ZNF330: variants seen among roughly 807,000 people sequenced by gnomAD.
The protein encoded by ZNF330 is nucleolar atypical zinc finger, also known as zinc finger protein 330.
In ZNF330, 31 loss-of-function variants were observed where a neutral mutation model predicts 45.5. The observed-to-expected ratio is 0.68, with a 90% CI of 0.51 to 0.92. The LOEUF is 0.92. Ranked by LOEUF, ZNF330 falls within the 40% of genes least tolerant of loss-of-function variation. The probability of loss-of-function intolerance (pLI) is 0.00; values close to 1 mark genes in which losing one functional copy is unlikely to be tolerated. For missense variants in ZNF330, 356 were observed against 387.4 expected (o/e 0.92, Z 0.68); for synonymous variants, 138 against 123.2 (o/e 1.12, Z -0.79).
chr4:141,223,751 G>A (rs767705207), intron 2 of ZNF330: 2 of 456,164 alleles, frequency 4.4e-6, no homozygotes, highest in Non-Finnish European at 8.8e-6. Context: ...TTCAATAAAG[G>A]TACAATGTAT....
In ZNF330 at chr4:141,228,127, A is replaced by G. The variant is rs1728855075; in HGVS notation, c.291+1281A>G. ...GAGGGAGACCTATGATATATTTCAT[A>G]TGTGCATATATTATAGAAGCAAGGA... On this transcript the variant is annotated intron_variant, in intron 5 of 9. Coordinates refer to ENST00000262990, the MANE Select transcript of ZNF330 (RefSeq NM_014487.6). Among the ~76,000 whole-genome samples the G allele has an allele frequency of 2.0e-5, 3 of 152,116 alleles. No homozygotes were observed. In the South Asian group the frequency reaches 6.2e-4, roughly 31 times the overall value.
At chr4:141,231,004 T>G (rs1480138044) in intron 7 of ZNF330, among the ~76,000 whole-genome samples, 1 of 152,074 alleles carries the variant, frequency 6.6e-6, no homozygotes, top group Non-Finnish European at 1.5e-5. Flanking sequence ...TCCCCAGGTA[T>G]TCTCTTCCTT....
intron 5 of ZNF330, among the ~76,000 whole-genome samples, chr4:141,228,373 C>A (rs1031180906): frequency 6.6e-6 from 1 of 152,016 alleles, no homozygotes; most frequent in Non-Finnish European, 1.5e-5. Flanking sequence ...AAGTGATTTT[C>A]TGGATATCTT....
chr4:141,233,755 G>A lies in ZNF330; in HGVS notation c.729G>A (p.Glu243=). 1.2e-6 allele frequency: 2 copies of A among 1,613,518 alleles called. No homozygotes were observed. The highest frequency in any genetic ancestry group is 1.7e-6 in the Non-Finnish European group (2 of 1,179,686). The change falls in exon 10 of 10, where the codon GAG becomes GAA. Residue 243 remains glutamate, a synonymous_variant. Transcript: ENST00000262990. The part of the protein sequence containing the change: ...LKFGRQTGGE[E]GDGASGYDAY... ...TTGGCAGGCAGACTGGAGGTGAAGAGGGAGATGGAGCTTCTGGGTATGATG... is the reference window on the plus strand; with the variant it reads ...TTGGCAGGCAGACTGGAGGTGAAGAAGGAGATGGAGCTTCTGGGTATGATG...
intron 8 of ZNF330, among the ~76,000 whole-genome samples, chr4:141,231,826 A>G (rs916096743): frequency 1.6e-4 from 25 of 152,192 alleles, no homozygotes; most frequent in African/African-American, 5.8e-4. Context: ...AAGATTTCCA[A>G]ATTTTTCTGT....
At chr4:141,223,248 T>C (rs1196878446) in intron 2 of ZNF330, among the ~76,000 whole-genome samples, 1 of 152,234 alleles carries the variant, frequency 6.6e-6, no homozygotes, top group African/African-American at 2.4e-5. Context: ...AGTTATGTTG[T>C]ATATTAGGAT....
In ZNF330 at chr4:141,222,450, AGCACTATAGAT is replaced by A; in HGVS notation, c.80_90del (p.Ser27IlefsTer3). 1 of 1,613,886 alleles carries A rather than the reference AGCACTATAGAT, an allele frequency of 6.2e-7. No homozygotes were observed. Among genetic ancestry groups the A allele is most frequent in the Non-Finnish European group, 8.5e-7 (1 of 1,179,846 alleles). On this transcript the variant is annotated frameshift_variant, in exon 2 of 10. Transcript: ENST00000262990. LOFTEE classifies it high-confidence loss of function. ...TGAAAAACAACTAAGAGCATCAAGA[AGCACTATAGAT>A]TTAGCTAAACATCCATGTAATGCCT...
Position 141,222,489 on chromosome 4 carries a change from A to G in ZNF330, c.118A>G (p.Met40Val), listed in dbSNP as rs765222729. The G allele has an allele frequency of 5.5e-5, 88 of 1,610,772 alleles. No individual in the cohort carries two copies. The highest frequency in any genetic ancestry group is 7.0e-5 in the Non-Finnish European group (83 of 1,178,950). Residue 40 changes from methionine (M) to valine (V), a missense_variant and splice_region_variant, in exon 2 of 10, where the codon ATG becomes GTG. By Grantham distance (21) the Met-to-Val change is conservative (BLOSUM62 1). Coordinates refer to ENST00000262990, the MANE Select transcript of ZNF330 (RefSeq NM_014487.6). Reference protein sequence around the residue: ...DLAKHPCNASMECDKCQRRQK... With the variant: ...DLAKHPCNASVECDKCQRRQK... The stretch of plus-strand genomic sequence containing the variant: ...AGCTAAACATCCATGTAATGCCTCA[A>G]TGGTATCAGCTTTTTTTGATATCAG...
At chr4:141,228,377 A>T (rs966638761) in intron 5 of ZNF330, among the ~76,000 whole-genome samples, 2 of 152,032 alleles carry the variant, frequency 1.3e-5, no homozygotes, top group Non-Finnish European at 2.9e-5. Context: ...GATTTTCTGG[A>T]TATCTTCTAT....
chr4:141,227,537 A>G (rs1345042892), intron 5 of ZNF330, among the ~76,000 whole-genome samples: 1 of 152,088 alleles, frequency 6.6e-6, no homozygotes, highest in African/African-American at 2.4e-5. Context: ...CCAGTCTATC[A>G]TTGTTGGACA....
At chr4:141,231,554 CT>C in intron 8 of ZNF330, 69 bp downstream of exon 8, 1 of 1,118,130 alleles carries the variant, frequency 8.9e-7, no homozygotes, top group Non-Finnish European at 1.3e-6. Context: ...CAGTCCTTGG[CT>C]TATATGCAGC....
chr4:141,227,858 T>G (rs1051286542), intron 5 of ZNF330, among the ~76,000 whole-genome samples: 6 of 152,120 alleles, frequency 3.9e-5, no homozygotes, highest in Admixed American at 3.9e-4. Flanking sequence ...TAGGATTTTT[T>G]AAAGTAAATT....
rs761162360 is a variant in ZNF330 at position 141,231,495 on chromosome 4, T to G, written c.570+10T>G. The G allele has an allele frequency of 6.3e-7, 1 of 1,582,036 alleles. No homozygotes were observed. The highest frequency in any genetic ancestry group is 8.6e-7 in the Non-Finnish European group (1 of 1,165,842). ...ATGTCTCCGTTGTAAGGTATACCAA[T>G]GCGTTTTTTTCTTTTTAGATTTTGT... On this transcript the variant is annotated intron_variant, in intron 8 of 9. Coordinates refer to ENST00000262990, the MANE Select transcript of ZNF330 (RefSeq NM_014487.6).
At chr4:141,230,761 T>C (rs1472239571) in intron 7 of ZNF330, among the ~76,000 whole-genome samples, 5 of 152,244 alleles carry the variant, frequency 3.3e-5, no homozygotes, top group African/African-American at 9.6e-5. Flanking sequence ...TTCTATCTTT[T>C]AAGTCCGTGG....
chr4:141,228,360 G>A (rs904106814), intron 5 of ZNF330, among the ~76,000 whole-genome samples: 2 of 152,000 alleles, frequency 1.3e-5, no homozygotes, highest in Non-Finnish European at 2.9e-5. Flanking sequence ...GTAAATTCTA[G>A]AAAAGTGATT....
intron 4 of ZNF330, among the ~76,000 whole-genome samples, 169 bp downstream of exon 4, chr4:141,224,846 T>C (rs1307783879): frequency 6.6e-6 from 1 of 152,102 alleles, no homozygotes; most frequent in Non-Finnish European, 1.5e-5. Context: ...CAAAAAACTA[T>C]CAAGCCTTGG....
chr4:141,222,471 C>A lies in ZNF330; in HGVS notation c.100C>A (p.His34Asn). ...ASRSTIDLAK[H>N]PCNASMECDK... is the part of the protein sequence containing the mutation. ...AAGAAGCACTATAGATTTAGCTAAA[C>A]ATCCATGTAATGCCTCAATGGTATC... Residue 34 changes from histidine to asparagine, a missense_variant, in exon 2 of 10, where the codon CAT (histidine) becomes AAT (asparagine). His to Asn is a moderately conservative substitution (Grantham distance 68, BLOSUM62 1). Transcript: ENST00000262990. The A allele has an allele frequency of 6.2e-7, 1 of 1,613,064 alleles. No individual in the cohort carries two copies. Among genetic ancestry groups the A allele is most frequent in the Non-Finnish European group, 8.5e-7 (1 of 1,179,586 alleles).
chr4:141,226,914 G>C (rs1422257983), intron 5 of ZNF330, 68 bp downstream of exon 5: 1 of 1,291,074 alleles, frequency 7.7e-7, no homozygotes, highest in Non-Finnish European at 1.1e-6. Flanking sequence ...CTGATCAGTG[G>C]TTATTTTTTT....
chr4:141,233,962 T>C lies in ZNF330; in HGVS notation c.936T>C (p.Tyr312=), dbSNP rs766393467. ...TAGGAAGGACCTATGCTAGTGGCTA[T>C]GCTCACTATGAGGAACAAGAGAACT... ...LNLGRTYASG[Y]AHYEEQEN is the part of the protein sequence containing the mutation. The change falls in exon 10 of 10, where the codon TAT becomes TAC. Residue 312 remains tyrosine, a synonymous_variant. Transcript: ENST00000262990. 6.2e-7 allele frequency: 1 copy of C among 1,613,410 alleles called. No homozygotes were observed. Among genetic ancestry groups the C allele is most frequent in the East Asian group, 2.2e-5 (1 of 44,870 alleles).
Sources: allele counts gnomAD v4.1 joint callset (sites outside exome capture counted in the v4.1 genomes callset), GRCh38; gene constraint gnomAD v4.1.1; transcripts MANE v1.5; gene names NCBI Gene and HGNC (gene_info 2026-07-23, HGNC 2026-07-21).